The following KCTD20 variants were observed in gnomAD, a reference collection of about 807,000 sequenced individuals.
The protein encoded by KCTD20 is potassium channel tetramerization domain containing 20.
A neutral mutation model predicts 39.6 loss-of-function variants in KCTD20; 30 were observed. That is an observed-to-expected ratio of 0.76 (90% CI 0.57 to 1.03). The LOEUF (loss-of-function observed/expected upper bound fraction) is 1.03. Among genes scored for constraint, KCTD20 ranks in the 50% least tolerant of loss-of-function variants. The probability of loss-of-function intolerance (pLI) is 0.00; values close to 1 mark genes in which losing one functional copy is unlikely to be tolerated. For missense variants in KCTD20, 422 were observed against 522.0 expected (o/e 0.81, Z 1.87); for synonymous variants, 162 against 180.6 (o/e 0.90, Z 0.83).
rs1187380057 is a variant in KCTD20 at position 36,479,224 on chromosome 6, G to A, written c.537+1G>A. ...TGCAACTGTATTTCGCACAGTGCTG[G>A]TGTGTGGTAGCCTTTTTTGTTACAT... On this transcript the variant is annotated splice_donor_variant, in intron 4 of 7. Coordinates refer to ENST00000373731, the MANE Select transcript of KCTD20 (RefSeq NM_173562.5). LOFTEE classifies it high-confidence loss of function. 5.6e-6 allele frequency: 9 copies of A among 1,602,960 alleles called. No individual in the cohort carries two copies. The highest frequency in any genetic ancestry group is 7.7e-6 in the Non-Finnish European group (9 of 1,172,000).
chr6:36,452,999 C>CTTTT (rs59865602), intron 1 of KCTD20, among the ~76,000 whole-genome samples: 38 of 58,128 alleles, frequency 6.5e-4, no homozygotes, highest in South Asian at 7.1e-4. Context: ...GTTTTCTTAG[C>CTTTT]TTTTTTTTTT....
chr6:36,489,833 C>CA lies in KCTD20; in HGVS notation c.*2659dup, dbSNP rs1294487483. On this transcript the variant is annotated 3_prime_UTR_variant, in exon 8 of 8. Transcript: ENST00000373731. ...TCTGAAGTTTAGAATCTTGAGTTTG[C>CA]ATCTGCATCATATCATGCTGTTTTG... The CA allele has an allele frequency of 3.1e-4, 47 of 152,322 alleles. No homozygotes were observed. Among genetic ancestry groups the CA allele is most frequent in the African/African-American group, 1.1e-3 (46 of 41,584 alleles). The allele number at this position is 152,322 out of a possible 1,614,324, so 9.4% of individuals were successfully genotyped here.
chr6:36,448,862 G>C (rs1188681081), intron 1 of KCTD20, among the ~76,000 whole-genome samples: 1 of 152,176 alleles, frequency 6.6e-6, no homozygotes, highest in Admixed American at 6.5e-5. Flanking sequence ...CTTCCTTCCA[G>C]TGGGTTCGTG....
chr6:36,448,726 C>G (rs1418407389), intron 1 of KCTD20, among the ~76,000 whole-genome samples: 1 of 152,170 alleles, frequency 6.6e-6, no homozygotes, highest in East Asian at 1.9e-4. Flanking sequence ...TTTATTCCTT[C>G]CAGTGGGTTC....
intron 1 of KCTD20, among the ~76,000 whole-genome samples, chr6:36,460,136 G>A (rs1775556604): frequency 6.6e-6 from 1 of 152,098 alleles, no homozygotes; most frequent in East Asian, 1.9e-4. Context: ...TGTAGGAGTC[G>A]TGAGCTTTCT....
rs777863461 is a variant in KCTD20, at chr6:36,474,821, A to C, written c.193A>C (p.Asn65His). The change falls in exon 3 of 8, where the codon AAT (asparagine) becomes CAT (histidine). Residue 65 changes from asparagine (N) to histidine (H), a missense_variant. Physicochemically the swap from Asn to His is moderately conservative, Grantham distance 68 (BLOSUM62 1). Coordinates refer to ENST00000373731, the MANE Select transcript of KCTD20 (RefSeq NM_173562.5). ...ACTTGACTATGCCTCTCAGCCAGCA[A>C]ATCTTCAGTTCCCTCACATAATGCC... ...LSLDYASQPA[N>H]LQFPHIMPLA... 1.2e-6 allele frequency: 2 copies of C among 1,612,246 alleles called. No homozygotes were observed. The highest frequency in any genetic ancestry group is 2.7e-5 in the African/African-American group (2 of 74,858).
chr6:36,447,584 C>T (rs748755941), intron 1 of KCTD20, among the ~76,000 whole-genome samples: 4 of 151,480 alleles, frequency 2.6e-5, no homozygotes, highest in African/African-American at 4.9e-5. Flanking sequence ...GAGCCAAGAT[C>T]GCACCACTGC....
At chr6:36,461,031 A>G (rs1413596437) in intron 1 of KCTD20, among the ~76,000 whole-genome samples, 1 of 152,168 alleles carries the variant, frequency 6.6e-6, no homozygotes, top group Non-Finnish European at 1.5e-5. Context: ...AAAGTACTTA[A>G]ATAATATATA....
At chr6:36,450,851 A>T (rs16888580) in intron 1 of KCTD20, 1 of 152,096 alleles carries the variant, frequency 6.6e-6, no homozygotes, top group Non-Finnish European at 1.5e-5. Context: ...AACTTTAAAA[A>T]TTTTCTCTTA....
At chr6:36,465,313 A>C (rs1048862690) in intron 1 of KCTD20, among the ~76,000 whole-genome samples, 3 of 148,378 alleles carry the variant, frequency 2.0e-5, no homozygotes, top group African/African-American at 7.5e-5. Flanking sequence ...AAAAAAAAAA[A>C]CAGTATGCAA....
intron 3 of KCTD20, among the ~76,000 whole-genome samples, chr6:36,477,032 G>T (rs1776083287): frequency 6.6e-6 from 1 of 152,214 alleles, no homozygotes; most frequent in South Asian, 2.1e-4. Context: ...GGAATGGGTT[G>T]TCCCATGAAG....
chr6:36,446,026 T>TTTTTTTTG (rs1775034002), intron 1 of KCTD20, among the ~76,000 whole-genome samples: 1 of 145,340 alleles, frequency 6.9e-6, no homozygotes, highest in South Asian at 2.2e-4. Flanking sequence ...TGAACTCAGT[T>TTTTTTTTG]TTTTTTTTTT....
At chr6:36,461,933 A>T (rs1190055883) in intron 1 of KCTD20, among the ~76,000 whole-genome samples, 1 of 152,188 alleles carries the variant, frequency 6.6e-6, no homozygotes, top group Non-Finnish European at 1.5e-5. Flanking sequence ...GTGGAATTGT[A>T]ATGCCTTCTT....
chr6:36,478,342 C>T (rs747416048), intron 3 of KCTD20, among the ~76,000 whole-genome samples: 2 of 152,068 alleles, frequency 1.3e-5, no homozygotes, highest in African/African-American at 2.4e-5. Context: ...ATTTAGACTG[C>T]AAGGGATCTG....
At chr6:36,461,151 C>T (rs780449283) in intron 1 of KCTD20, among the ~76,000 whole-genome samples, 4 of 152,130 alleles carry the variant, frequency 2.6e-5, no homozygotes, top group African/African-American at 4.8e-5. Context: ...TTGTGATTCT[C>T]ATTTAAGATA....
intron 3 of KCTD20, 74 bp downstream of exon 3, chr6:36,475,136 T>C: frequency 4.1e-6 from 6 of 1,462,326 alleles, no homozygotes; most frequent in Non-Finnish European, 5.6e-6. Context: ...TATCTTGCAT[T>C]AGATATAACA....
rs1570368 is a variant in KCTD20 at position 36,469,359 on chromosome 6, C to T, written c.-46-693C>T. Among the ~76,000 whole-genome samples the T allele has an allele frequency of 6.6e-6, 1 of 151,952 alleles. No homozygotes were observed. Among genetic ancestry groups the T allele is most frequent in the East Asian group, 1.9e-4 (1 of 5,180 alleles). ...CTGCTGTGGCATCTCCATCCTGCCT[C>T]ATCACTGGGGGTCTTGCACGTGGCA... On this transcript the variant is annotated intron_variant, in intron 1 of 7. Coordinates refer to ENST00000373731, the MANE Select transcript of KCTD20 (RefSeq NM_173562.5). The surrounding 1 kb of genome is among the most constrained non-coding windows in gnomAD (Gnocchi z 4.6).
chr6:36,445,224 T>C (rs1775002530), intron 1 of KCTD20, among the ~76,000 whole-genome samples: 1 of 142,960 alleles, frequency 7.0e-6, no homozygotes, highest in Admixed American at 7.6e-5. Context: ...ATCGCGCCAT[T>C]GTACTCCAGC....
intron 6 of KCTD20, among the ~76,000 whole-genome samples, chr6:36,483,009 C>G (rs1776301202): frequency 6.7e-6 from 1 of 148,984 alleles, no homozygotes; most frequent in East Asian, 2.0e-4. Flanking sequence ...CCCAGCTACT[C>G]AGGAGGCTGA....
Sources: allele counts gnomAD v4.1 joint callset (sites outside exome capture counted in the v4.1 genomes callset), GRCh38; gene constraint gnomAD v4.1.1; non-coding constraint Gnocchi (gnomAD v3.1); transcripts MANE v1.5; gene names NCBI Gene and HGNC (gene_info 2026-07-23, HGNC 2026-07-21).